The following KANK1 variants were observed in gnomAD, a reference collection of about 807,000 sequenced individuals.
The protein encoded by KANK1 is KN motif and ankyrin repeat domains 1, also known as KN motif and ankyrin repeat domain-containing protein 1.
KANK1 carries 109 observed loss-of-function variants against 106.2 expected under a neutral mutation model. The ratio of observed to expected loss-of-function variants is 1.03; its 90% CI spans 0.88 to 1.20. The LOEUF (loss-of-function observed/expected upper bound fraction) is 1.20, where lower values mean the gene tolerates loss of function less well. Ranked by LOEUF, KANK1 falls within the 50% of genes most tolerant of loss-of-function variation. The pLI is 0.00. For synonymous variants in KANK1, 873 were observed against 652.2 expected (o/e 1.34, Z -5.16); for missense variants, 2,399 against 1,710.7 (o/e 1.40, Z -7.10).
Position 571,577 on chromosome 9 carries a change from A to AT in KANK1, c.-84+66823_-84+66824insT, listed in dbSNP as rs1197714647. Among the ~76,000 whole-genome samples the AT allele has an allele frequency of 6.0e-4, 88 of 146,444 alleles. 1 individual carries two copies. In the Middle Eastern group the frequency reaches 0.011, roughly 18 times the overall value. ...TTCACTTCTAAATAAAAAAAAAAAA[A>AT]ATTTTAAAAACGTTTTTTAAAAAGA... On this transcript the variant is annotated intron_variant, in intron 1 of 11. Coordinates refer to ENST00000382297, the MANE Select transcript of KANK1 (RefSeq NM_015158.5).
At chr9:523,805 C>G (rs1378110961) in intron 1 of KANK1, among the ~76,000 whole-genome samples, 2 of 136,016 alleles carry the variant, frequency 1.5e-5, no homozygotes, top group East Asian at 4.1e-4. Context: ...TCTCTTAATC[C>G]GCTTGGCCTC....
chr9:569,690 T>C (rs1420699272), intron 1 of KANK1, among the ~76,000 whole-genome samples: 1 of 152,242 alleles, frequency 6.6e-6, no homozygotes, highest in Non-Finnish European at 1.5e-5. Flanking sequence ...TGTTCACTTT[T>C]CTTTCATCTA....
chr9:662,700 C>T (rs541065694), intron 1 of KANK1, among the ~76,000 whole-genome samples: 15 of 138,598 alleles, frequency 1.1e-4, no homozygotes, highest in East Asian at 6.8e-4. Context: ...CTTGCTCTGT[C>T]ACCCAGGCTG....
chr9:719,538 G>T (rs1828744834), intron 3 of KANK1, among the ~76,000 whole-genome samples: 1 of 152,126 alleles, frequency 6.6e-6, no homozygotes, highest in Non-Finnish European at 1.5e-5. Context: ...TACAAATGTA[G>T]ATCAGCATAC....
chr9:488,809 T>G (rs929106431), intron 3 of KANK1: 2 of 152,216 alleles, frequency 1.3e-5, no homozygotes, highest in African/African-American at 4.8e-5. Flanking sequence ...GCATAGCTTT[T>G]GGGTCTGTAT....
intron 1 of KANK1, among the ~76,000 whole-genome samples, chr9:560,948 A>G (rs546892328): frequency 1.3e-5 from 2 of 152,188 alleles, no homozygotes; most frequent in Admixed American, 6.5e-5. Context: ...TCAGCCAACC[A>G]TTTGATATGG....
At chr9:732,287 G>GA in intron 5 of KANK1, 91 bp from the exon 6 acceptor site, 1 of 1,443,688 alleles carries the variant, frequency 6.9e-7, no homozygotes, top group Non-Finnish European at 9.3e-7. Context: ...GAAATTTCTG[G>GA]AGTCAATTAG....
Position 711,142 on chromosome 9 carries a change from G to A in KANK1, c.376G>A (p.Glu126Lys). ...AATCTCAAAGCCACCTCCCCCTCTG[G>A]AGACCTCACTCCCTTTTCTTACCAT... ...TPISKPPPPL[E>K]TSLPFLTIPE... The change falls in exon 3 of 12, where the codon GAG becomes AAG. Residue 126 changes from glutamate to lysine, a missense_variant. By Grantham distance (56) the Glu-to-Lys change is moderately conservative (BLOSUM62 1). Coordinates refer to ENST00000382297, the MANE Select transcript of KANK1 (RefSeq NM_015158.5). 1 of 1,614,066 alleles carries A rather than the reference G, an allele frequency of 6.2e-7. No individual in the cohort carries two copies. Among genetic ancestry groups the A allele is most frequent in the South Asian group, 1.1e-5 (1 of 91,082 alleles).
intron 1 of KANK1, among the ~76,000 whole-genome samples, chr9:669,643 C>G (rs1311585209): frequency 6.6e-6 from 1 of 151,960 alleles, no homozygotes; most frequent in East Asian, 1.9e-4. Context: ...TTTCTTGCTG[C>G]TTTTAGTATC....
At chr9:570,778 A>T (rs895198884) in intron 1 of KANK1, among the ~76,000 whole-genome samples, 2 of 152,218 alleles carry the variant, frequency 1.3e-5, no homozygotes, top group African/African-American at 4.8e-5. Flanking sequence ...TTTTCATGTG[A>T]ATTTAGTAAA....
intron 1 of KANK1, among the ~76,000 whole-genome samples, chr9:514,183 T>G (rs192901062): frequency 2.5e-4 from 7 of 27,764 alleles, no homozygotes; most frequent in Non-Finnish European, 1.6e-4. Flanking sequence ...TCCCTTCCTC[T>G]CTCCCTCCCT....
chr9:680,173 C>A (rs1477447304), intron 2 of KANK1, among the ~76,000 whole-genome samples: 2 of 152,132 alleles, frequency 1.3e-5, no homozygotes, highest in Admixed American at 1.3e-4. Flanking sequence ...GGGGAAATTT[C>A]ATGTGACGAT....
intron 3 of KANK1, among the ~76,000 whole-genome samples, chr9:719,821 C>T (rs750364529): frequency 3.9e-5 from 6 of 152,200 alleles, no homozygotes; most frequent in Admixed American, 1.3e-4. Flanking sequence ...TCCGGGCTCA[C>T]GCCACTGCAG....
intron 1 of KANK1, among the ~76,000 whole-genome samples, chr9:672,648 A>G (rs920128935): frequency 3.9e-5 from 6 of 152,084 alleles, no homozygotes; most frequent in African/African-American, 1.4e-4. Flanking sequence ...TTATCTAACT[A>G]CTTGTTTGCA....
At chr9:599,023 T>A (rs12347498) in intron 1 of KANK1, among the ~76,000 whole-genome samples, 1,991 of 147,368 alleles carry the variant, frequency 0.014, 20 homozygotes, top group South Asian at 0.031. Context: ...TATTATTATT[T>A]TTTTTTTTTT....
Position 568,780 on chromosome 9 carries a change from C to T in KANK1, c.-84+64026C>T, listed in dbSNP as rs373895775. 7.2e-5 allele frequency among the ~76,000 whole-genome samples: 11 copies of T among 152,180 alleles called. No homozygotes were observed. In the South Asian group the frequency reaches 2.3e-3, roughly 32 times the overall value. The stretch of plus-strand genomic sequence containing the variant: ...TACAGGTGTGAGCCACCATGCCTGG[C>T]CAAGGTTGATTTTTTAAAAACATTA... On this transcript the variant is annotated intron_variant, in intron 1 of 11. Coordinates refer to ENST00000382297, the MANE Select transcript of KANK1 (RefSeq NM_015158.5).
In KANK1 at chr9:711,130, C is replaced by A; in HGVS notation, c.364C>A (p.Pro122Thr). The change falls in exon 3 of 12, where the codon CCT becomes ACT. Residue 122 changes from proline (P) to threonine (T), a missense_variant. Transcript: ENST00000382297. The part of the protein sequence containing the change: ...QVTSTPISKP[P>T]PPLETSLPFL... ...TACATCAACTCCAATCTCAAAGCCA[C>A]CTCCCCCTCTGGAGACCTCACTCCC... The A allele has an allele frequency of 1.9e-6, 3 of 1,614,188 alleles. No homozygotes were observed. Among genetic ancestry groups the A allele is most frequent in the Non-Finnish European group, 2.5e-6 (3 of 1,180,036 alleles).
At chr9:515,874 C>T (rs1000414183) in intron 1 of KANK1, among the ~76,000 whole-genome samples, 1 of 151,744 alleles carries the variant, frequency 6.6e-6, no homozygotes, top group South Asian at 2.1e-4. Flanking sequence ...GGAAACCTCA[C>T]GTGTGGTTTG....
intron 1 of KANK1, among the ~76,000 whole-genome samples, chr9:554,491 C>T (rs1443841565): frequency 6.6e-6 from 1 of 152,184 alleles, no homozygotes; most frequent in Non-Finnish European, 1.5e-5. Context: ...GTGGCCAGTG[C>T]TTATTTAATT....
Sources: allele counts gnomAD v4.1 joint callset (sites outside exome capture counted in the v4.1 genomes callset), GRCh38; gene constraint gnomAD v4.1.1; transcripts MANE v1.5; gene names NCBI Gene and HGNC (gene_info 2026-07-23, HGNC 2026-07-21).